CCDC7: variants seen among roughly 807,000 people sequenced by gnomAD.
CCDC7 encodes coiled-coil domain-containing protein 7.
In CCDC7, 183 loss-of-function variants were observed where a neutral mutation model predicts 196.9. The ratio of observed to expected loss-of-function variants is 0.93; its 90% CI spans 0.82 to 1.05. The LOEUF is 1.05. CCDC7 is among the 50% of genes least tolerant of loss of function. The probability of loss-of-function intolerance (pLI) is 0.00; values close to 1 mark genes in which losing one functional copy is unlikely to be tolerated. For missense variants in CCDC7, 1,540 were observed against 1,482.2 expected (o/e 1.04, Z -0.64); for synonymous variants, 525 against 484.6 (o/e 1.08, Z -1.10).
chr10:32,715,685 A>G (rs1299835696), intron 25 of CCDC7, among the ~76,000 whole-genome samples: 3 of 152,214 alleles, frequency 2.0e-5, no homozygotes, highest in Non-Finnish European at 4.4e-5. Context: ...AACTAGAATA[A>G]CCAGTTTAGA....
At chr10:32,872,451 T>G (rs529811141) in intron 41 of CCDC7, among the ~76,000 whole-genome samples, 1 of 151,878 alleles carries the variant, frequency 6.6e-6, no homozygotes, top group Non-Finnish European at 1.5e-5. Flanking sequence ...TGAGATGGGT[T>G]TCCTGAATAC....
chr10:32,664,923 T>C (rs1428070874), intron 21 of CCDC7, among the ~76,000 whole-genome samples: 2 of 152,112 alleles, frequency 1.3e-5, no homozygotes, highest in African/African-American at 4.8e-5. Flanking sequence ...TAATTTACAT[T>C]CCCACCAACA....
Position 32,474,210 on chromosome 10 carries a change from CTTTTTTTTTTTTTTTTT to C in CCDC7, c.796+201_796+217del, listed in dbSNP as rs71027095. ...GGATACGTGTTACTGAAACTAGATT[CTTTTTTTTTTTTTTTTT>C]TTTTTTTTTTTTTGGAGACAGAGTC... On this transcript the variant is annotated intron_variant, in intron 8 of 41. Coordinates refer to ENST00000639629, the Ensembl canonical transcript of CCDC7. 1.0e-4 allele frequency among the ~76,000 whole-genome samples: 6 copies of C among 58,956 alleles called. No individual in the cohort carries two copies. In the South Asian group the frequency reaches 3.8e-3, roughly 37 times the overall value. The allele number at this position is 58,956 out of a possible 152,430, so 38.7% of individuals were successfully genotyped here. A position where few individuals can be genotyped will look rare whatever the true frequency, so the allele number is the denominator to read the frequency against.
intron 24 of CCDC7, among the ~76,000 whole-genome samples, chr10:32,708,053 G>T (rs1025433500): frequency 6.6e-6 from 1 of 151,976 alleles, no homozygotes; most frequent in Non-Finnish European, 1.5e-5. Flanking sequence ...GAGGCATCAC[G>T]CTACCTGACT....
At chr10:32,758,087 C>G (rs1592426167) in intron 28 of CCDC7, among the ~76,000 whole-genome samples, 1 of 152,116 alleles carries the variant, frequency 6.6e-6, no homozygotes, top group East Asian at 1.9e-4. Context: ...GTAACAGGCT[C>G]TGAAATGGAG....
Position 32,815,935 on chromosome 10 carries a change from G to A in CCDC7, c.3181+1482G>A, listed in dbSNP as rs865952726. 4.6e-5 allele frequency among the ~76,000 whole-genome samples: 7 copies of A among 152,220 alleles called. No homozygotes were observed. The South Asian group carries it at 1.0e-3, about 23-fold the overall frequency. ...CCAGTGTGAGCAACGCAGAAGATGG[G>A]TGATTTCTGCATTTCCAACTGAGGT... On this transcript the variant is annotated intron_variant, in intron 31 of 41. Coordinates refer to ENST00000639629, the Ensembl canonical transcript of CCDC7.
chr10:32,754,410 T>G (rs986318416), intron 28 of CCDC7, among the ~76,000 whole-genome samples: 2 of 152,140 alleles, frequency 1.3e-5, no homozygotes, highest in African/African-American at 4.8e-5. Flanking sequence ...TAGGGAGATA[T>G]TTCATGCTCA....
chr10:32,841,027 C>A (rs974312180), intron 33 of CCDC7, among the ~76,000 whole-genome samples: 1 of 151,948 alleles, frequency 6.6e-6, no homozygotes, highest in Non-Finnish European at 1.5e-5. Flanking sequence ...CTATCTATGA[C>A]AAACCAACAG....
chr10:32,606,198 G>T lies in CCDC7; in HGVS notation c.1801+21894G>T, dbSNP rs368987433. 1.9e-4 allele frequency among the ~76,000 whole-genome samples: 29 copies of T among 152,362 alleles called. No individual in the cohort carries two copies. The East Asian group carries it at 5.0e-3, about 26-fold the overall frequency. On this transcript the variant is annotated intron_variant, in intron 18 of 41. Transcript: ENST00000639629. The stretch of plus-strand genomic sequence containing the variant: ...TTTGGTGGTTTCTACATGGTGTTAA[G>T]CCTGTAGCTGAAAAAAGTACAAGAG...
chr10:32,488,706 G>T (rs1276489217), intron 8 of CCDC7, among the ~76,000 whole-genome samples: 1 of 152,148 alleles, frequency 6.6e-6, no homozygotes, highest in Non-Finnish European at 1.5e-5. Context: ...TTTTGTTCGT[G>T]TATTGTTTTT....
chr10:32,728,132 A>G (rs2132667991), intron 26 of CCDC7, among the ~76,000 whole-genome samples: 1 of 152,224 alleles, frequency 6.6e-6, no homozygotes, highest in Middle Eastern at 3.4e-3. Flanking sequence ...CTCTGTCATG[A>G]CACTCTGAAG....
chr10:32,716,961 A>G (rs2081692871), intron 25 of CCDC7, among the ~76,000 whole-genome samples: 1 of 152,184 alleles, frequency 6.6e-6, no homozygotes. Flanking sequence ...CCCACTGTCA[A>G]TATTAGATCA....
chr10:32,590,846 GC>G (rs34189550), intron 18 of CCDC7, among the ~76,000 whole-genome samples: 15,962 of 152,146 alleles, frequency 0.1, 1,036 homozygotes, highest in South Asian at 0.25. Flanking sequence ...AAAGTCTGCT[GC>G]CAGATGTATT....
intron 28 of CCDC7, 23 bp downstream of exon 29, chr10:32,729,480 T>G (rs2083592953): frequency 9.4e-7 from 1 of 1,067,944 alleles, no homozygotes; most frequent in Admixed American, 2.7e-5. Context: ...TTATAAATCT[T>G]ATAAATTGTT....
At chr10:32,524,827 G>T (rs964545190) in intron 11 of CCDC7, among the ~76,000 whole-genome samples, 11 of 151,906 alleles carry the variant, frequency 7.2e-5, no homozygotes, top group Non-Finnish European at 1.2e-4. Flanking sequence ...CTTTATCTTT[G>T]GGAGTCTGAT....
chr10:32,817,813 G>A (rs1172387047), intron 31 of CCDC7, among the ~76,000 whole-genome samples: 1 of 152,186 alleles, frequency 6.6e-6, no homozygotes, highest in Non-Finnish European at 1.5e-5. Context: ...CACCAGGCCT[G>A]CCCTAAAAGA....
intron 24 of CCDC7, among the ~76,000 whole-genome samples, chr10:32,711,321 C>A (rs567121430): frequency 6.6e-6 from 1 of 152,042 alleles, no homozygotes; most frequent in East Asian, 1.9e-4. Context: ...TGAACATATG[C>A]ATTTTCATTG....
At chr10:32,617,892 CTAT>C (rs1354630116) in intron 18 of CCDC7, among the ~76,000 whole-genome samples, 2 of 151,886 alleles carry the variant, frequency 1.3e-5, no homozygotes, top group Non-Finnish European at 2.9e-5. Context: ...ACGTCCTCCT[CTAT>C]TATTGTATTG....
At chr10:32,494,482 G>T (rs980077195) in intron 9 of CCDC7, among the ~76,000 whole-genome samples, 2 of 151,846 alleles carry the variant, frequency 1.3e-5, no homozygotes, top group African/African-American at 4.8e-5. Flanking sequence ...TGCCATGCTG[G>T]TTTGCTGCAC....
Sources: gnomAD v4.1 joint callset for allele counts (sites outside exome capture counted in the v4.1 genomes callset) on GRCh38, gnomAD v4.1.1 for gene constraint, MANE v1.5 for transcripts, NCBI Gene and HGNC (gene_info 2026-07-23, HGNC 2026-07-21) for gene names.